The following NEXMIF variants were observed in gnomAD, a reference collection of about 807,000 sequenced individuals.
NEXMIF encodes XLMR protein related to neurite extension.
NEXMIF carries 8 observed loss-of-function variants against 62.1 expected under a neutral mutation model. The ratio of observed to expected loss-of-function variants is 0.13; its 90% CI spans 0.08 to 0.23. NEXMIF has a LOEUF of 0.23. NEXMIF is among the 10% of genes least tolerant of loss of function. The probability of loss-of-function intolerance (pLI) is 1.00; values close to 1 mark genes in which losing one functional copy is unlikely to be tolerated. For synonymous variants in NEXMIF, 404 were observed against 416.6 expected, an observed-to-expected ratio of 0.97 and a Z score of 0.37; for missense variants, 976 against 1,113.3, an observed-to-expected ratio of 0.88 and a Z score of 1.75.
chrX:74,759,990 A>G (rs2080171179), intron 1 of NEXMIF, among the ~76,000 whole-genome samples: 1 of 112,153 alleles, frequency 8.9e-6, no homozygotes, highest in South Asian at 3.7e-4. Context: ...CAATATGGCC[A>G]TTTTAATGAT....
chrX:74,876,189 T>C (rs1273123790), intron 1 of NEXMIF, among the ~76,000 whole-genome samples: 4 of 111,480 alleles, frequency 3.6e-5, no homozygotes, highest in African/African-American at 6.6e-5. Flanking sequence ...TGGTATGTTG[T>C]GTCTTTGTTC....
At chrX:74,914,019 A>G (rs1157657986) in intron 1 of NEXMIF, among the ~76,000 whole-genome samples, 1 of 112,177 alleles carries the variant, frequency 8.9e-6, no homozygotes, top group East Asian at 2.8e-4. Flanking sequence ...TGCTTCTCCC[A>G]TTGGGTTTCT....
intron 1 of NEXMIF, among the ~76,000 whole-genome samples, chrX:74,782,928 A>G (rs980388844): frequency 4.5e-5 from 5 of 111,855 alleles, no homozygotes; most frequent in African/African-American, 1.6e-4. Flanking sequence ...AATGAGAGGC[A>G]GTTATCTAAG....
intron 1 of NEXMIF, among the ~76,000 whole-genome samples, chrX:74,877,892 C>T (rs1440792067): frequency 9.0e-6 from 1 of 111,567 alleles, no homozygotes. Context: ...ATACATTCTT[C>T]TAAATTGTTT....
chrX:74,823,564 G>A (rs1403441179), intron 1 of NEXMIF, among the ~76,000 whole-genome samples: 4 of 111,310 alleles, frequency 3.6e-5, no homozygotes, highest in Non-Finnish European at 7.5e-5. Context: ...TTGTAGTACC[G>A]TTGTTATGAA....
intron 1 of NEXMIF, among the ~76,000 whole-genome samples, chrX:74,802,410 G>A (rs1052983767): frequency 1.8e-5 from 2 of 111,133 alleles, no homozygotes; most frequent in Non-Finnish European, 3.8e-5. Context: ...GAGAACAAGA[G>A]TTTCTGCTTG....
In NEXMIF at chrX:74,835,208, C is replaced by T. The variant is rs183092508; in HGVS notation, c.-47-89511G>A. On this transcript the variant is annotated intron_variant, in intron 1 of 3. Transcript: ENST00000055682. ...ATCTGACAGAATTCTGAATTCCTTC[C>T]CTGTGTTACCTTGAATTTCTTTAAG... Among the ~76,000 whole-genome samples the T allele has an allele frequency of 3.4e-3, 380 of 111,545 alleles. 2 individuals are homozygous for T. Among genetic ancestry groups the T allele is most frequent in the African/African-American group, 0.012 (363 of 30,729 alleles).
chrX:74,864,997 C>T (rs2080572740), intron 1 of NEXMIF, among the ~76,000 whole-genome samples: 1 of 112,072 alleles, frequency 8.9e-6, no homozygotes, highest in African/African-American at 3.2e-5. Context: ...GCATGAGCAA[C>T]CATACCCGGC....
chrX:74,876,198 T>G (rs2080632341), intron 1 of NEXMIF, among the ~76,000 whole-genome samples: 1 of 111,275 alleles, frequency 9.0e-6, no homozygotes, highest in Non-Finnish European at 1.9e-5. Context: ...GTGTCTTTGT[T>G]CTCGTTGGTT....
At chrX:74,763,809 C>T (rs183704262) in intron 1 of NEXMIF, among the ~76,000 whole-genome samples, 93 of 111,902 alleles carry the variant, frequency 8.3e-4, no homozygotes, top group African/African-American at 2.9e-3. Context: ...AATTTTTGCA[C>T]ATTGATTTTG....
rs781068385 is a variant in NEXMIF at position 74,751,623 on chromosome X, C to CCCTTCCTTCCTT, written c.-47-5938_-47-5927dup. 4.9e-3 allele frequency among the ~76,000 whole-genome samples: 426 copies of CCCTTCCTTCCTT among 87,298 alleles called. 3 individuals are homozygous for CCCTTCCTTCCTT. Among genetic ancestry groups the CCCTTCCTTCCTT allele is most frequent in the African/African-American group, 0.013 (288 of 21,555 alleles). 75.8% of individuals were successfully genotyped at this position (87,298 alleles called of 115,157 possible). ...GCTGTGATTACAGGCTACCATCACG[C>CCCTTCCTTCCTT]CCTTCCTTCCTTCCTTCCTTCCTTC... On this transcript the variant is annotated intron_variant, in intron 1 of 3. Transcript: ENST00000055682.
At chrX:74,782,443 A>T (rs1437983817) in intron 1 of NEXMIF, among the ~76,000 whole-genome samples, 1 of 111,199 alleles carries the variant, frequency 9.0e-6, no homozygotes, top group Non-Finnish European at 1.9e-5. Context: ...CCCTGCCATG[A>T]TTTCAAACTT....
chrX:74,838,150 T>C (rs2080463101), intron 1 of NEXMIF, among the ~76,000 whole-genome samples: 1 of 111,416 alleles, frequency 9.0e-6, no homozygotes, highest in Non-Finnish European at 1.9e-5. Flanking sequence ...ATTAAAAGAA[T>C]AAAATATTGA....
chrX:74,852,387 C>T (rs755169606), intron 1 of NEXMIF, among the ~76,000 whole-genome samples: 152 of 111,350 alleles, frequency 1.4e-3, no homozygotes, highest in African/African-American at 3.7e-3. Flanking sequence ...TTCAACACTC[C>T]GCTCACAGCA....
rs546869275 is a variant in NEXMIF at position 74,837,579 on chromosome X, G to C, written c.-48+87304C>G. ...TCCAACAGAAGAGTAATGAATAGCA[G>C]AATAAGAATCTCTTCACTATCTTGT... On this transcript the variant is annotated intron_variant, in intron 1 of 3. Transcript: ENST00000055682. 1.9e-4 allele frequency among the ~76,000 whole-genome samples: 21 copies of C among 112,239 alleles called. No individual in the cohort carries two copies. In the South Asian group the frequency reaches 7.8e-3, roughly 42 times the overall value.
intron 1 of NEXMIF, among the ~76,000 whole-genome samples, chrX:74,894,005 A>G (rs2080725618): frequency 8.9e-6 from 1 of 112,037 alleles, no homozygotes; most frequent in African/African-American, 3.2e-5. Context: ...ACTGAGATAA[A>G]AAGAGCCAGG....
chrX:74,897,206 G>T (rs1415463236), intron 1 of NEXMIF, among the ~76,000 whole-genome samples: 1 of 111,748 alleles, frequency 8.9e-6, no homozygotes, highest in Non-Finnish European at 1.9e-5. Flanking sequence ...TGGAGTAAGA[G>T]TCAAGAGAAC....
intron 1 of NEXMIF, among the ~76,000 whole-genome samples, chrX:74,761,062 G>T (rs1402693077): frequency 2.2e-4 from 24 of 109,242 alleles, no homozygotes; most frequent in Admixed American, 2.0e-3. Flanking sequence ...GTAGAGATGG[G>T]TTTCACTATG....
chrX:74,770,856 T>C (rs1457396680), intron 1 of NEXMIF, among the ~76,000 whole-genome samples: 2 of 112,335 alleles, frequency 1.8e-5, no homozygotes, highest in Admixed American at 1.9e-4. Flanking sequence ...AAGAACCTAC[T>C]ATACAGTAGA....
Sources: gnomAD v4.1 joint callset for allele counts (sites outside exome capture counted in the v4.1 genomes callset) on GRCh38, gnomAD v4.1.1 for gene constraint, MANE v1.5 for transcripts, NCBI Gene and HGNC (gene_info 2026-07-23, HGNC 2026-07-21) for gene names.